C15orf40: variants seen among roughly 807,000 people sequenced by gnomAD.
C15orf40 encodes chromosome 15 open reading frame 40.
A neutral mutation model predicts 13.9 loss-of-function variants in C15orf40; 9 were observed. The ratio of observed to expected loss-of-function variants is 0.65; its 90% CI spans 0.39 to 1.13. The LOEUF is 1.13. C15orf40 is among the 50% of genes most tolerant of loss of function. The pLI is 0.01. For missense variants in C15orf40, 225 were observed against 188.5 expected, an observed-to-expected ratio of 1.19 and a Z score of -1.13; for synonymous variants, 95 against 69.2, an observed-to-expected ratio of 1.37 and a Z score of -1.85.
downstream of C15orf40, among the ~76,000 whole-genome samples, chr15:82,991,601 C>A (rs1046484182): frequency 6.6e-6 from 1 of 152,120 alleles, no homozygotes; most frequent in Admixed American, 6.5e-5. Context: ...TCTCTTAGCA[C>A]CCCACTCTAG....
intron 2 of C15orf40, among the ~76,000 whole-genome samples, chr15:83,009,447 T>C (rs1245292368): frequency 6.6e-6 from 1 of 152,212 alleles, no homozygotes; most frequent in Non-Finnish European, 1.5e-5. Flanking sequence ...AACTTGGTCA[T>C]CAGCATAAAC....
Position 83,010,247 on chromosome 15 carries a change from AT to A in C15orf40, c.227del (p.Asn76MetfsTer3). On this transcript the variant is annotated frameshift_variant, in exon 2 of 4. Transcript: ENST00000304177. LOFTEE classifies it high-confidence loss of function. Reference protein sequence around the residue: ...AIHAKPGSKQNAVTDLTAEAV... With the variant: ...AIHAKPGSKQXAVTDLTAEAV... ...AGTGTCCAGGTATACCTGTTACAGCATTTTGTTTGGAGCCAGGTTTTGCATG... is the reference window on the plus strand; with the variant it reads ...AGTGTCCAGGTATACCTGTTACAGCATTTGTTTGGAGCCAGGTTTTGCATG... The A allele has an allele frequency of 6.2e-7, 1 of 1,614,216 alleles. No homozygotes were observed. Among genetic ancestry groups the A allele is most frequent in the Non-Finnish European group, 8.5e-7 (1 of 1,180,028 alleles).
chr15:83,010,482 A>C, intron 1 of C15orf40, 119 bp from the exon 2 acceptor site: 3 of 1,226,524 alleles, frequency 2.4e-6, no homozygotes, highest in African/African-American at 3.0e-5. Flanking sequence ...AGTGGTGTCC[A>C]GGGACTTCTG....
In C15orf40 at chr15:82,998,273, C is replaced by CT. The variant is rs904793117; in HGVS notation, c.*7323_*7324insA. 2 of 150,134 alleles carry CT rather than the reference C, an allele frequency of 1.3e-5. No homozygotes were observed. The highest frequency in any genetic ancestry group is 5.7e-5 in the African/African-American group (2 of 35,202). 9.3% of individuals were successfully genotyped at this position (150,134 alleles called of 1,614,324 possible). On this transcript the variant is annotated 3_prime_UTR_variant, in exon 4 of 4. Coordinates refer to ENST00000304177, the MANE Select transcript of C15orf40 (RefSeq NM_144597.3). ...TGGCTGGCCGGGCGGGGGACTGACC[C>CT]CCCCCCACCTCCCTCCCGGACGGGG...
chr15:83,002,868 ATCTTGGCTCACTGCAACC>A lies in C15orf40; in HGVS notation c.*2711_*2728del, dbSNP rs1261642856. The A allele has an allele frequency of 1.3e-5, 2 of 152,202 alleles. No individual in the cohort carries two copies. The highest frequency in any genetic ancestry group is 2.9e-5 in the Non-Finnish European group (2 of 68,056). The allele number at this position is 152,202 out of a possible 1,614,324, so 9.4% of individuals were successfully genotyped here. A position where few individuals can be genotyped will look rare whatever the true frequency, so the allele number is the denominator to read the frequency against. ...CTGGAGCGCAGTTCGCAGTTGTGCG[ATCTTGGCTCACTGCAACC>A]TCTGCCTCCAGGGTCCCGGTTCACA... On this transcript the variant is annotated 3_prime_UTR_variant, in exon 4 of 4. Transcript: ENST00000304177.
rs189438673 is a variant in C15orf40, at chr15:82,994,985, A to C, written c.*10612T>G. ...ATTCAGGATTCAGATATATCCAGAT[A>C]TGACATAATATCTAAACAAAGATTT... is the stretch of plus-strand genomic sequence containing the variant. On this transcript the variant is annotated 3_prime_UTR_variant, in exon 4 of 4. Coordinates refer to ENST00000304177, the MANE Select transcript of C15orf40 (RefSeq NM_144597.3). 7 of 152,360 alleles carry C rather than the reference A, an allele frequency of 4.6e-5. No individual in the cohort carries two copies. The East Asian group carries it at 1.3e-3, about 29-fold the overall frequency. The allele number at this position is 152,360 out of a possible 1,614,324, so 9.4% of individuals were successfully genotyped here.
At position 82,995,093 on chromosome 15, in the gene C15orf40, C is replaced by T. The variant is rs1322222357; in HGVS notation, c.*10504G>A. 2 of 152,016 alleles carry T rather than the reference C, an allele frequency of 1.3e-5. No individual in the cohort carries two copies. Among genetic ancestry groups the T allele is most frequent in the Admixed American group, 6.6e-5 (1 of 15,238 alleles). The allele number at this position is 152,016 out of a possible 1,614,324, so 9.4% of individuals were successfully genotyped here. A position where few individuals can be genotyped will look rare whatever the true frequency, so the allele number is the denominator to read the frequency against. On this transcript the variant is annotated 3_prime_UTR_variant, in exon 4 of 4. Coordinates refer to ENST00000304177, the MANE Select transcript of C15orf40 (RefSeq NM_144597.3). Reference sequence around the variant, plus strand: ...TAGTAGATTACAACACTGGAGCCCACAGCAGCCTTGAGAGCAGATTATCTC... The same window carrying T: ...TAGTAGATTACAACACTGGAGCCCATAGCAGCCTTGAGAGCAGATTATCTC...
At chr15:82,991,747 G>C (rs1375722072), downstream of C15orf40, among the ~76,000 whole-genome samples, 1 of 152,172 alleles carries the variant, frequency 6.6e-6, no homozygotes, top group Non-Finnish European at 1.5e-5. Flanking sequence ...GTCACACTAA[G>C]ATGCAAATAC....
At chr15:82,992,150 T>TC, downstream of C15orf40, 2 of 366,494 alleles carry the variant, frequency 5.5e-6, no homozygotes, top group South Asian at 4.1e-5. Context: ...CGGGAAGAGT[T>TC]CAAGACTACA....
Position 83,004,445 on chromosome 15 carries a change from T to G in C15orf40, c.*1152A>C. The G allele has an allele frequency of 4.6e-6, 4 of 870,488 alleles. No individual in the cohort carries two copies. Among genetic ancestry groups the G allele is most frequent in the Non-Finnish European group, 5.5e-6 (4 of 725,200 alleles). 53.9% of individuals were successfully genotyped at this position (870,488 alleles called of 1,614,324 possible). A position where few individuals can be genotyped will look rare whatever the true frequency, so the allele number is the denominator to read the frequency against. On this transcript the variant is annotated 3_prime_UTR_variant, in exon 4 of 4. Coordinates refer to ENST00000304177, the MANE Select transcript of C15orf40 (RefSeq NM_144597.3). ...ATTTTCTTTAATAAATTACTATAAC[T>G]TGACCTGAAGATGTAAAAATATATT...
chr15:82,999,900 T>C lies in C15orf40; in HGVS notation c.*5697A>G, dbSNP rs1388718994. On this transcript the variant is annotated 3_prime_UTR_variant, in exon 4 of 4. Coordinates refer to ENST00000304177, the MANE Select transcript of C15orf40 (RefSeq NM_144597.3). The stretch of plus-strand genomic sequence containing the variant: ...ACCCTTAATAACTAAATTATGAGGA[T>C]TGTCTGAGGAATGCCTATGTGGGTA... The C allele has an allele frequency of 6.6e-6, 1 of 152,166 alleles. No individual in the cohort carries two copies. The allele number at this position is 152,166 out of a possible 1,614,324, so 9.4% of individuals were successfully genotyped here. A position where few individuals can be genotyped will look rare whatever the true frequency, so the allele number is the denominator to read the frequency against.
Position 82,998,999 on chromosome 15 carries a change from T to A in C15orf40, c.*6598A>T, listed in dbSNP as rs1029790930. On this transcript the variant is annotated 3_prime_UTR_variant, in exon 4 of 4. Transcript: ENST00000304177. The stretch of plus-strand genomic sequence containing the variant: ...GCCCGGCCAACACAGCGAAACCCCG[T>A]CTCCACCAAAACCAGTCAGGCGTGG... 3 of 158,544 alleles carry A rather than the reference T, an allele frequency of 1.9e-5. No individual in the cohort carries two copies. The highest frequency in any genetic ancestry group is 7.5e-5 in the African/African-American group (3 of 40,074). The allele number at this position is 158,544 out of a possible 1,614,324, so 9.8% of individuals were successfully genotyped here.
intron 1 of C15orf40, 178 bp downstream of exon 1, chr15:83,011,319 G>T: frequency 1.6e-6 from 1 of 622,220 alleles, no homozygotes; most frequent in Non-Finnish European, 2.5e-6. Flanking sequence ...CTACTGAGGC[G>T]GGGCGACGGC....
downstream of C15orf40, among the ~76,000 whole-genome samples, chr15:82,993,228 T>C (rs1028241294): frequency 8.5e-5 from 13 of 152,124 alleles, no homozygotes; most frequent in Admixed American, 7.9e-4. Flanking sequence ...AACTTGAGAA[T>C]ATAGAGTTGT....
At position 83,003,719 on chromosome 15, in the gene C15orf40, G is replaced by C. The variant is rs1204406471; in HGVS notation, c.*1878C>G. 2.0e-5 allele frequency: 3 copies of C among 152,204 alleles called. No individual in the cohort carries two copies. Among genetic ancestry groups the C allele is most frequent in the Non-Finnish European group, 2.9e-5 (2 of 68,072 alleles). The allele number at this position is 152,204 out of a possible 1,614,324, so 9.4% of individuals were successfully genotyped here. On this transcript the variant is annotated 3_prime_UTR_variant, in exon 4 of 4. Transcript: ENST00000304177. The stretch of plus-strand genomic sequence containing the variant: ...TTGGTACAAGTTAAGAGTTGTACTA[G>C]ACGAGTAGCTTCTCTTTCACTGTCT...
chr15:82,991,617 C>G (rs907016472), downstream of C15orf40, among the ~76,000 whole-genome samples: 1 of 152,142 alleles, frequency 6.6e-6, no homozygotes, highest in African/African-American at 2.4e-5. Context: ...TCTAGGCCCT[C>G]GAGGTTGACT....
rs576477060 is a variant in C15orf40, at chr15:83,005,535, C to G, written c.*62G>C. ...CTGACCTCAGGTGATCCGCCCACCA[C>G]GGCCTCCCAAAGTGCTGGGATTACA... is the stretch of plus-strand genomic sequence containing the variant. On this transcript the variant is annotated 3_prime_UTR_variant, in exon 4 of 4. Transcript: ENST00000304177. 2.1e-6 allele frequency: 3 copies of G among 1,413,340 alleles called. No homozygotes were observed. The highest frequency in any genetic ancestry group is 2.9e-6 in the Non-Finnish European group (3 of 1,045,138). The allele number at this position is 1,413,340 out of a possible 1,614,324, so 87.5% of individuals were successfully genotyped here. A position where few individuals can be genotyped will look rare whatever the true frequency, so the allele number is the denominator to read the frequency against.
At chr15:82,989,982 ACCCGCAACACAGACAAGAAC>A (rs1335439964), downstream of C15orf40, 11 of 1,605,736 alleles carry the variant, frequency 6.9e-6, no homozygotes, top group Non-Finnish European at 9.4e-6. Context: ...GGTAACAACT[ACCCGCAACACAGACAAGAAC>A]CTTACTATCC....
chr15:83,005,420 G>T lies in C15orf40; in HGVS notation c.*177C>A. The T allele has an allele frequency of 1.6e-6, 1 of 641,884 alleles. No individual in the cohort carries two copies. Among genetic ancestry groups the T allele is most frequent in the Non-Finnish European group, 2.2e-6 (1 of 456,374 alleles). 39.8% of individuals were successfully genotyped at this position (641,884 alleles called of 1,614,324 possible). A position where few individuals can be genotyped will look rare whatever the true frequency, so the allele number is the denominator to read the frequency against. On this transcript the variant is annotated 3_prime_UTR_variant, in exon 4 of 4. Coordinates refer to ENST00000304177, the MANE Select transcript of C15orf40 (RefSeq NM_144597.3). The stretch of plus-strand genomic sequence containing the variant: ...CTGCCTCAGCCTCCTGAGTAACTGG[G>T]ATTACAGGCATGCGCCATCACATCT...
Sources: gnomAD v4.1 joint callset for allele counts (sites outside exome capture counted in the v4.1 genomes callset) on GRCh38, gnomAD v4.1.1 for gene constraint, MANE v1.5 for transcripts, NCBI Gene and HGNC (gene_info 2026-07-23, HGNC 2026-07-21) for gene names.